RALGAPA1: variants seen among roughly 807,000 people sequenced by gnomAD.
RALGAPA1 encodes the protein ral GTPase-activating protein subunit alpha-1.
Under a neutral mutation model 269.6 loss-of-function variants are expected in RALGAPA1, and 52 were observed. The ratio of observed to expected loss-of-function variants is 0.19; its 90% CI spans 0.15 to 0.24. RALGAPA1 has a LOEUF of 0.24. Ranked by LOEUF, RALGAPA1 falls within the 10% of genes least tolerant of loss-of-function variation. The probability of loss-of-function intolerance (pLI) is 1.00; values close to 1 mark genes in which losing one functional copy is unlikely to be tolerated. For missense variants in RALGAPA1, 1,917 were observed against 3,013.9 expected (o/e 0.64, Z 8.52); for synonymous variants, 817 against 1,008.3 (o/e 0.81, Z 3.60).
At chr14:35,601,992 G>C (rs1380056378) in intron 36 of RALGAPA1, among the ~76,000 whole-genome samples, 1 of 152,050 alleles carries the variant, frequency 6.6e-6, no homozygotes, top group South Asian at 2.1e-4. Context: ...CCCTTAACTA[G>C]CCCTAAGCAA....
rs1194660278 is a variant in RALGAPA1 at position 35,689,323 on chromosome 14, T to TA, written c.3087dup (p.Arg1030Ter). The TA allele has an allele frequency of 2.4e-6, 3 of 1,232,122 alleles. No individual in the cohort carries two copies. The highest frequency in any genetic ancestry group is 3.0e-6 in the Non-Finnish European group (3 of 988,056). 76.3% of individuals were successfully genotyped at this position (1,232,122 alleles called of 1,614,324 possible). On this transcript the variant is annotated frameshift_variant, in exon 18 of 42. Transcript: ENST00000680220. LOFTEE classifies it high-confidence loss of function. ...TTAGATTTTTCAGAAGTTTGTGTTC[T>TA]AAAAAAACTGTCTGACTGGTTAGGT...
intron 17 of RALGAPA1, among the ~76,000 whole-genome samples, chr14:35,693,610 T>C (rs550010266): frequency 6.6e-6 from 1 of 152,148 alleles, no homozygotes; most frequent in South Asian, 2.1e-4. Flanking sequence ...CTTGAAAGTA[T>C]AGTCTTTTCA....
chr14:35,738,858 A>G (rs1365893418), intron 11 of RALGAPA1, among the ~76,000 whole-genome samples: 6 of 152,190 alleles, frequency 3.9e-5, no homozygotes, highest in Non-Finnish European at 8.8e-5. Context: ...AGTAAAAAAC[A>G]ACAACAAAAC....
At chr14:35,542,217 G>T in intron 41 of RALGAPA1, 1 of 321,434 alleles carries the variant, frequency 3.1e-6, no homozygotes. Context: ...TAAATTTATT[G>T]AATTAAAATG....
intron 35 of RALGAPA1, among the ~76,000 whole-genome samples, chr14:35,624,777 C>T (rs2060884778): frequency 6.6e-6 from 1 of 152,058 alleles, no homozygotes; most frequent in African/African-American, 2.4e-5. Context: ...GTCAGAATCA[C>T]TGGATTTAAT....
chr14:35,587,583 GC>G (rs2058379829), intron 37 of RALGAPA1, among the ~76,000 whole-genome samples: 1 of 152,148 alleles, frequency 6.6e-6, no homozygotes, highest in Admixed American at 6.6e-5. Context: ...CATGGATGAA[GC>G]TGGAAACCAT....
At chr14:35,558,638 A>G (rs1422264875) in intron 39 of RALGAPA1, among the ~76,000 whole-genome samples, 2 of 152,210 alleles carry the variant, frequency 1.3e-5, no homozygotes, top group African/African-American at 4.8e-5. Context: ...CAAGAGAGTA[A>G]GTAAATGTAG....
In RALGAPA1 at chr14:35,586,650, T is replaced by C. The variant is rs572692804; in HGVS notation, c.7209+8984A>G. ...TCAATACCTAGTTTATTGAGAGTTT[T>C]TAGCATGAAGAGCTGTTGAATTTTG... On this transcript the variant is annotated intron_variant, in intron 37 of 41. Transcript: ENST00000680220. 1.1e-3 allele frequency among the ~76,000 whole-genome samples: 170 copies of C among 152,360 alleles called. 2 individuals carry two copies. The highest frequency in any genetic ancestry group is 3.9e-3 in the African/African-American group (162 of 41,584).
At chr14:35,724,587 CTTAA>C (rs1308090503) in intron 14 of RALGAPA1, among the ~76,000 whole-genome samples, 3 of 151,928 alleles carry the variant, frequency 2.0e-5, no homozygotes, top group African/African-American at 4.8e-5. Context: ...AAGAATCAAT[CTTAA>C]TTATTTATTA....
chr14:35,689,640 G>A lies in RALGAPA1; in HGVS notation c.2771C>T (p.Ala924Val), dbSNP rs1275577705. ...LIGPVELADS[A>V]FEQIQYIDLE... ...GTCAATGTACTGGATTTGTTCAAAA[G>A]CTGAATCTGCAAGTTCTACTGGACC... The change falls in exon 18 of 42, where the codon GCT (alanine) becomes GTT (valine). Residue 924 changes from alanine to valine, a missense_variant. Ala to Val is a moderately conservative substitution (Grantham distance 64). Transcript: ENST00000680220. 2.4e-6 allele frequency: 3 copies of A among 1,266,990 alleles called. No homozygotes were observed. Among genetic ancestry groups the A allele is most frequent in the Non-Finnish European group, 2.0e-6 (2 of 1,008,938 alleles). The allele number at this position is 1,266,990 out of a possible 1,614,324, so 78.5% of individuals were successfully genotyped here. A position where few individuals can be genotyped will look rare whatever the true frequency, so the allele number is the denominator to read the frequency against.
chr14:35,685,699 T>G (rs1316206575), intron 19 of RALGAPA1, among the ~76,000 whole-genome samples: 1 of 151,816 alleles, frequency 6.6e-6, no homozygotes, highest in Non-Finnish European at 1.5e-5. Flanking sequence ...AGGTCAGGAG[T>G]TCGAGACCAG....
At chr14:35,601,232 C>G (rs2059275439) in intron 36 of RALGAPA1, among the ~76,000 whole-genome samples, 1 of 152,210 alleles carries the variant, frequency 6.6e-6, no homozygotes, top group Admixed American at 6.5e-5. Flanking sequence ...GCAGGTGCCT[C>G]AGTAATATTG....
chr14:35,598,712 G>A (rs534942690), intron 36 of RALGAPA1, among the ~76,000 whole-genome samples: 1 of 152,212 alleles, frequency 6.6e-6, no homozygotes, highest in Non-Finnish European at 1.5e-5. Flanking sequence ...GAGCCACCGT[G>A]CCCAGCCTAT....
At chr14:35,784,036 G>A (rs1447520403) in intron 1 of RALGAPA1, among the ~76,000 whole-genome samples, 1 of 151,874 alleles carries the variant, frequency 6.6e-6, no homozygotes, top group Non-Finnish European at 1.5e-5. Context: ...GTTATCATAT[G>A]GCCCAGCAAT....
In RALGAPA1 at chr14:35,748,834, A is replaced by AT; in HGVS notation, c.1012-11_1012-10insA. The AT allele has an allele frequency of 5.1e-6, 1 of 194,942 alleles. No homozygotes were observed. Among genetic ancestry groups the AT allele is most frequent in the Non-Finnish European group, 8.9e-6 (1 of 112,244 alleles). 12.1% of individuals were successfully genotyped at this position (194,942 alleles called of 1,614,324 possible). ...AACTAGCAGCTGCTCTCTAAAATAC[A>AT]AAAAAAAAAAAAAAAGAGAGAAACA... is the stretch of plus-strand genomic sequence containing the variant. On this transcript the variant is annotated splice_polypyrimidine_tract_variant and intron_variant, in intron 9 of 41. Transcript: ENST00000680220.
In RALGAPA1 at chr14:35,671,383, A is replaced by T. The variant is rs1191707441; in HGVS notation, c.5202+6T>A. On this transcript the variant is annotated splice_donor_region_variant and intron_variant, in intron 26 of 41. Transcript: ENST00000680220. The stretch of plus-strand genomic sequence containing the variant: ...GTTATATGATAAGGAACAGGAAATG[A>T]CTTACATTGAGAAAAGCTGAAGAAG... 3 of 1,606,518 alleles carry T rather than the reference A, an allele frequency of 1.9e-6. No individual in the cohort carries two copies. Among genetic ancestry groups the T allele is most frequent in the Non-Finnish European group, 2.5e-6 (3 of 1,176,880 alleles).
intron 12 of RALGAPA1, among the ~76,000 whole-genome samples, chr14:35,731,017 G>A (rs150600806): frequency 2.0e-5 from 3 of 152,316 alleles, no homozygotes; most frequent in African/African-American, 7.2e-5. Context: ...ACAGTTGCTG[G>A]TATCCATGGC....
chr14:35,669,498 C>T (rs2064224383), intron 26 of RALGAPA1, among the ~76,000 whole-genome samples: 1 of 152,210 alleles, frequency 6.6e-6, no homozygotes, highest in African/African-American at 2.4e-5. Context: ...AGGTGATCCA[C>T]CCGCCTCAGC....
intron 35 of RALGAPA1, among the ~76,000 whole-genome samples, chr14:35,619,516 G>T (rs966045858): frequency 2.0e-5 from 3 of 152,246 alleles, no homozygotes; most frequent in Non-Finnish European, 2.9e-5. Context: ...AACTGAAAGA[G>T]ATAAGAGACA....
Sources: allele counts gnomAD v4.1 joint callset (sites outside exome capture counted in the v4.1 genomes callset), GRCh38; gene constraint gnomAD v4.1.1; transcripts MANE v1.5; gene names NCBI Gene and HGNC (gene_info 2026-07-23, HGNC 2026-07-21).